Variants in HEMK2 observed in about 807,000 individuals in gnomAD.
The protein encoded by HEMK2 is methyltransferase HEMK2.
the HEMK2 span, chr21:28,878,086 G>T: frequency 1.0e-6 from 1 of 993,690 alleles, no homozygotes; most frequent in Non-Finnish European, 1.4e-6. Context: ...ACTGTTTTAA[G>T]TGATTCATTA....
the HEMK2 span, among the ~76,000 whole-genome samples, chr21:28,613,619 CTTTTTTTTT>C: frequency 4.7e-3 from 389 of 82,716 alleles, 3 homozygotes; most frequent in East Asian, 0.022. Flanking sequence ...TCTGCATATT[CTTTTTTTTT>C]TTTTTTTTTT....
the HEMK2 span, among the ~76,000 whole-genome samples, chr21:28,831,726 G>GAAAGAAA: frequency 1.7e-3 from 66 of 38,788 alleles, 2 homozygotes; most frequent in South Asian, 4.9e-3. Flanking sequence ...AAGGAAGGAA[G>GAAAGAAA]GAAGGAAGGA....
At chr21:28,806,436 CAA>C in the HEMK2 span, among the ~76,000 whole-genome samples, 1 of 151,838 alleles carries the variant, frequency 6.6e-6, no homozygotes, top group South Asian at 2.1e-4. Flanking sequence ...TGTGCTCTCT[CAA>C]AAAAAATATG....
chr21:28,604,462 T>C, the HEMK2 span, among the ~76,000 whole-genome samples: 2 of 152,202 alleles, frequency 1.3e-5, no homozygotes, highest in Non-Finnish European at 2.9e-5. Context: ...CAGGAGTAGT[T>C]TGTACCATTC....
At chr21:28,879,920 C>T in the HEMK2 span, 9 of 1,600,998 alleles carry the variant, frequency 5.6e-6, no homozygotes, top group South Asian at 1.1e-5. Flanking sequence ...AGAAGATCAA[C>T]TTTTTCGGTC....
the HEMK2 span, among the ~76,000 whole-genome samples, chr21:28,727,925 T>A: frequency 2.6e-5 from 4 of 152,218 alleles, no homozygotes; most frequent in East Asian, 7.7e-4. Context: ...GAAGTGTGTG[T>A]ATGCATACAC....
At chr21:28,878,430 T>C in the HEMK2 span, 11 of 1,451,178 alleles carry the variant, frequency 7.6e-6, no homozygotes, top group South Asian at 3.6e-5. Context: ...AAAAAGTATA[T>C]ATTTTGCATT....
chr21:28,831,248 C>T, the HEMK2 span, among the ~76,000 whole-genome samples: 1 of 151,746 alleles, frequency 6.6e-6, no homozygotes, highest in Non-Finnish European at 1.5e-5. Context: ...AGTTCAAGAC[C>T]AGCCTGGCCA....
At chr21:28,583,044 T>C in the HEMK2 span, among the ~76,000 whole-genome samples, 1 of 152,306 alleles carries the variant, frequency 6.6e-6, no homozygotes, top group Admixed American at 6.5e-5. Flanking sequence ...AGTGATATTA[T>C]TGGAAAAACA....
the HEMK2 span, among the ~76,000 whole-genome samples, chr21:28,603,433 TAG>T: frequency 3.9e-5 from 6 of 152,184 alleles, no homozygotes; most frequent in African/African-American, 1.4e-4. Context: ...AGGCAGCCCA[TAG>T]AGTTTAACTC....
At chr21:28,725,476 T>G in the HEMK2 span, among the ~76,000 whole-genome samples, 1 of 152,204 alleles carries the variant, frequency 6.6e-6, no homozygotes, top group African/African-American at 2.4e-5. Flanking sequence ...GAGTGAATAC[T>G]GGGAGGAAAC....
At chr21:28,831,222 A>G in the HEMK2 span, among the ~76,000 whole-genome samples, 1 of 151,878 alleles carries the variant, frequency 6.6e-6, no homozygotes, top group Non-Finnish European at 1.5e-5. Flanking sequence ...AGGTGGGTGG[A>G]TCACTTGAGG....
At chr21:28,782,882 A>G in the HEMK2 span, among the ~76,000 whole-genome samples, 1 of 152,220 alleles carries the variant, frequency 6.6e-6, no homozygotes, top group Non-Finnish European at 1.5e-5. Flanking sequence ...ATCTCAATAA[A>G]ACTACTATTA....
chr21:28,737,601 AAAG>A, the HEMK2 span, among the ~76,000 whole-genome samples: 13 of 152,282 alleles, frequency 8.5e-5, no homozygotes, highest in African/African-American at 3.1e-4. Context: ...TTAAAAAAAA[AAAG>A]AAGAAGAAAA....
the HEMK2 span, among the ~76,000 whole-genome samples, chr21:28,804,036 C>T: frequency 1.3e-5 from 2 of 152,186 alleles, no homozygotes; most frequent in Non-Finnish European, 2.9e-5. Flanking sequence ...GAAATTCATA[C>T]TGACAATTGT....
the HEMK2 span, among the ~76,000 whole-genome samples, chr21:28,735,201 C>A: frequency 2.2e-4 from 33 of 152,232 alleles, no homozygotes; most frequent in Non-Finnish European, 5.9e-5. Flanking sequence ...CACCTTAACA[C>A]AACACTCATT....
At chr21:28,738,970 T>A in the HEMK2 span, among the ~76,000 whole-genome samples, 7 of 152,176 alleles carry the variant, frequency 4.6e-5, no homozygotes, top group African/African-American at 1.7e-4. Context: ...TATGACCACA[T>A]TGAAATTGTG....
chr21:28,638,740 C>T, the HEMK2 span, among the ~76,000 whole-genome samples: 1 of 152,122 alleles, frequency 6.6e-6, no homozygotes, highest in Non-Finnish European at 1.5e-5. Context: ...TCCAGGCTGG[C>T]CTCACGTACA....
chr21:28,861,751 G>C, the HEMK2 span, among the ~76,000 whole-genome samples: 1 of 152,198 alleles, frequency 6.6e-6, no homozygotes, highest in East Asian at 1.9e-4. Context: ...AGAAGGCCAT[G>C]TATGCTGTGA....
Sources: allele counts gnomAD v4.1 joint callset (sites outside exome capture counted in the v4.1 genomes callset), GRCh38; gene constraint gnomAD v4.1.1; transcripts MANE v1.5; gene names NCBI Gene and HGNC (gene_info 2026-07-23, HGNC 2026-07-21).